Variants in GRIK4 observed in about 807,000 individuals in gnomAD.
The protein encoded by GRIK4 is glutamate ionotropic receptor kainate type subunit 4.
A neutral mutation model predicts 104.9 loss-of-function variants in GRIK4; 40 were observed. The observed-to-expected ratio is 0.38, with a 90% confidence interval of 0.30 to 0.50. The LOEUF (loss-of-function observed/expected upper bound fraction) is 0.50. Among genes scored for constraint, GRIK4 ranks in the 20% least tolerant of loss-of-function variants. The probability of loss-of-function intolerance (pLI) is 0.93; values close to 1 mark genes in which losing one functional copy is unlikely to be tolerated. For synonymous variants in GRIK4, 485 were observed against 524.9 expected (o/e 0.92, Z 1.04); for missense variants, 1,047 against 1,308.1 (o/e 0.80, Z 3.08).
At chr11:120,730,856 T>C (rs1450791406) in intron 3 of GRIK4, among the ~76,000 whole-genome samples, 1 of 152,214 alleles carries the variant, frequency 6.6e-6, no homozygotes, top group Non-Finnish European at 1.5e-5. Flanking sequence ...TTGATTTCTT[T>C]TTCAGGTTGT....
intron 4 of GRIK4, among the ~76,000 whole-genome samples, chr11:120,808,128 C>T (rs1268606382): frequency 6.6e-6 from 1 of 152,174 alleles, no homozygotes; most frequent in Non-Finnish European, 1.5e-5. Context: ...GATGCAGTGA[C>T]AGACAGTATG....
chr11:120,834,465 G>A (rs577508868), intron 7 of GRIK4, among the ~76,000 whole-genome samples: 5 of 152,228 alleles, frequency 3.3e-5, no homozygotes, highest in Admixed American at 3.3e-4. Flanking sequence ...AGGAAAGCCT[G>A]TTCCCTTTGC....
rs181298129 is a variant in GRIK4 at position 120,617,550 on chromosome 11, C to T, written c.-158-36135C>T. ...ATGTGCCACTACACCTGGCTAATTT[C>T]GAAATTTTTTGTACAGACAGTGATA... On this transcript the variant is annotated intron_variant, in intron 1 of 20. Coordinates refer to ENST00000527524, the MANE Select transcript of GRIK4 (RefSeq NM_014619.5). Among the ~76,000 whole-genome samples, 200 of 152,082 alleles carry T rather than the reference C, an allele frequency of 1.3e-3. 1 individual carries two copies. The highest frequency in any genetic ancestry group is 4.5e-3 in the African/African-American group (187 of 41,490).
intron 8 of GRIK4, among the ~76,000 whole-genome samples, chr11:120,849,888 G>A (rs1436895549): frequency 6.6e-6 from 1 of 152,216 alleles, no homozygotes; most frequent in Non-Finnish European, 1.5e-5. Flanking sequence ...GGCATGACTG[G>A]CTCTTTGCTC....
chr11:120,843,303 G>T (rs1425515960), intron 8 of GRIK4, among the ~76,000 whole-genome samples: 1 of 152,220 alleles, frequency 6.6e-6, no homozygotes. Flanking sequence ...TGCTATTTGT[G>T]GGGTGTCAAC....
intron 1 of GRIK4, among the ~76,000 whole-genome samples, chr11:120,613,755 G>A (rs1051133252): frequency 4.6e-5 from 7 of 152,174 alleles, no homozygotes; most frequent in South Asian, 2.1e-4. Flanking sequence ...CTGCAGGAGC[G>A]TCTGTGTGGT....
chr11:120,598,259 A>G (rs1948832641), intron 1 of GRIK4, among the ~76,000 whole-genome samples: 1 of 152,196 alleles, frequency 6.6e-6, no homozygotes, highest in Non-Finnish European at 1.5e-5. Flanking sequence ...TTCTCACAGC[A>G]GCGTTATGAA....
intron 3 of GRIK4, among the ~76,000 whole-genome samples, chr11:120,761,497 G>T (rs547447902): frequency 1.3e-5 from 2 of 152,206 alleles, no homozygotes; most frequent in African/African-American, 4.8e-5. Context: ...CATTGCTTTT[G>T]GTGTTTTAGT....
At chr11:120,912,813 C>T (rs1318394288) in intron 13 of GRIK4, among the ~76,000 whole-genome samples, 1 of 152,108 alleles carries the variant, frequency 6.6e-6, no homozygotes. Context: ...AATGCAGGGA[C>T]GTTCATGTGG....
intron 3 of GRIK4, among the ~76,000 whole-genome samples, chr11:120,706,358 A>AG (rs1301052618): frequency 2.0e-5 from 3 of 152,136 alleles, no homozygotes; most frequent in Non-Finnish European, 4.4e-5. Flanking sequence ...ATCCAGCCTG[A>AG]GTGCTGTGTG....
At chr11:120,673,975 C>T (rs1424796917) in intron 3 of GRIK4, among the ~76,000 whole-genome samples, 1 of 152,194 alleles carries the variant, frequency 6.6e-6, no homozygotes, top group Non-Finnish European at 1.5e-5. Flanking sequence ...TCTCTCTGTG[C>T]CTACCGTTCT....
intron 2 of GRIK4, among the ~76,000 whole-genome samples, chr11:120,658,562 A>C (rs1291085016): frequency 6.6e-6 from 1 of 151,970 alleles, no homozygotes; most frequent in African/African-American, 2.4e-5. Flanking sequence ...AAATCATTAT[A>C]GTGAGTGTAC....
Position 120,953,025 on chromosome 11 carries a change from G to T in GRIK4, c.1700+61G>T. On this transcript the variant is annotated intron_variant, in intron 15 of 20. Transcript: ENST00000527524. This position sits in a 1 kb window ranked among gnomAD's most constrained non-coding sequence, Gnocchi z 4.9. ...CACCTCGTGTCCACCTCTGGGAACT[G>T]CATGGGGAGGGGGTGGGGAGGAGGA... is the stretch of plus-strand genomic sequence containing the variant. 9.4e-7 allele frequency: 1 copy of T among 1,063,274 alleles called. No individual in the cohort carries two copies. Among genetic ancestry groups the T allele is most frequent in the Non-Finnish European group, 1.5e-6 (1 of 688,264 alleles). 65.9% of individuals were successfully genotyped at this position (1,063,274 alleles called of 1,614,324 possible). A position where few individuals can be genotyped will look rare whatever the true frequency, so the allele number is the denominator to read the frequency against.
chr11:120,722,576 C>A (rs1486959484), intron 3 of GRIK4, among the ~76,000 whole-genome samples: 3 of 151,836 alleles, frequency 2.0e-5, no homozygotes, highest in South Asian at 4.2e-4. Context: ...CCATTGTACT[C>A]CAGCCTCCAG....
chr11:120,705,906 G>A (rs528664338), intron 3 of GRIK4, among the ~76,000 whole-genome samples: 1 of 152,158 alleles, frequency 6.6e-6, no homozygotes, highest in Non-Finnish European at 1.5e-5. Context: ...AGTAGTGTTC[G>A]TGGATTCTCT....
intron 14 of GRIK4, among the ~76,000 whole-genome samples, chr11:120,944,909 CAT>C (rs34091911): frequency 0.23 from 34,350 of 151,872 alleles, 4,186 homozygotes; most frequent in East Asian, 0.36. Flanking sequence ...CAGTGCCTGA[CAT>C]ATACACAATA....
chr11:120,917,083 T>TA (rs1943119681), intron 13 of GRIK4, among the ~76,000 whole-genome samples: 1 of 150,810 alleles, frequency 6.6e-6, no homozygotes, highest in African/African-American at 2.4e-5. Flanking sequence ...TCGTCTCTGA[T>TA]AAAAAATACA....
chr11:120,822,083 C>T (rs147676971), intron 6 of GRIK4, among the ~76,000 whole-genome samples: 24 of 151,780 alleles, frequency 1.6e-4, no homozygotes, highest in African/African-American at 3.9e-4. Flanking sequence ...TGGTGGTACG[C>T]GCCTGTAATC....
intron 3 of GRIK4, among the ~76,000 whole-genome samples, chr11:120,762,593 T>C (rs1044318665): frequency 1.3e-5 from 2 of 152,206 alleles, no homozygotes; most frequent in Admixed American, 1.3e-4. Context: ...GTAGCTCTTA[T>C]TATTTTGAGA....
Sources: allele counts gnomAD v4.1 joint callset (sites outside exome capture counted in the v4.1 genomes callset), GRCh38; gene constraint gnomAD v4.1.1; non-coding constraint Gnocchi (gnomAD v3.1); transcripts MANE v1.5; gene names NCBI Gene and HGNC (gene_info 2026-07-23, HGNC 2026-07-21).